The following PIK3C2A variants were observed in gnomAD, a reference collection of about 807,000 sequenced individuals.
PIK3C2A encodes the protein phosphatidylinositol 4-phosphate 3-kinase C2 domain-containing subunit alpha.
In PIK3C2A, 97 loss-of-function variants were observed where a neutral mutation model predicts 204.5. The observed-to-expected ratio is 0.47, with a 90% CI of 0.40 to 0.56. The LOEUF (loss-of-function observed/expected upper bound fraction) is 0.56, where lower values mean the gene tolerates loss of function less well. PIK3C2A is among the 20% of genes least tolerant of loss of function. The pLI is 0.00. For synonymous variants in PIK3C2A, 653 were observed against 664.4 expected (o/e 0.98, Z 0.26); for missense variants, 1,735 against 1,969.2 (o/e 0.88, Z 2.25).
At chr11:17,134,647 C>T (rs913518638) in intron 11 of PIK3C2A, among the ~76,000 whole-genome samples, 172 bp downstream of exon 11, 5 of 152,152 alleles carry the variant, frequency 3.3e-5, no homozygotes, top group African/African-American at 1.2e-4. Flanking sequence ...AGGCATGAGC[C>T]ACCGTGCCTG....
intron 6 of PIK3C2A, among the ~76,000 whole-genome samples, 185 bp from the exon 7 acceptor site, chr11:17,146,127 C>T (rs1050485253): frequency 2.0e-5 from 3 of 151,930 alleles, no homozygotes; most frequent in African/African-American, 7.3e-5. Flanking sequence ...AGTCAACATC[C>T]TGAAAAAAAA....
intron 8 of PIK3C2A, among the ~76,000 whole-genome samples, chr11:17,140,276 T>TA (rs1047821641): frequency 1.3e-5 from 2 of 151,534 alleles, no homozygotes; most frequent in Admixed American, 6.6e-5. Flanking sequence ...TAAACAACAA[T>TA]AAAAAAAACT....
intron 1 of PIK3C2A, among the ~76,000 whole-genome samples, chr11:17,181,637 T>C (rs1332493057): frequency 6.0e-3 from 18 of 3,012 alleles, no homozygotes; most frequent in Non-Finnish European, 0.022. Flanking sequence ...TATATATATA[T>C]ATATATATAT....
intron 22 of PIK3C2A, 143 bp from the exon 23 acceptor site, chr11:17,105,448 A>G (rs1375314729): frequency 3.1e-6 from 2 of 654,900 alleles, no homozygotes; most frequent in East Asian, 3.0e-5. Flanking sequence ...TTACATAGGT[A>G]TACATGTGCC....
intron 1 of PIK3C2A, among the ~76,000 whole-genome samples, chr11:17,171,573 A>G (rs1407950884): frequency 6.6e-6 from 1 of 152,216 alleles, no homozygotes; most frequent in Non-Finnish European, 1.5e-5. Context: ...GAATGTTCTT[A>G]GTGTATTATT....
Position 17,169,353 on chromosome 11 carries a change from T to G in PIK3C2A, c.389A>C (p.Gln130Pro). Residue 130 changes from glutamine to proline, a missense_variant, in exon 2 of 33, where the codon CAG (glutamine) becomes CCG (proline). Physicochemically the swap from Gln to Pro is moderately conservative, Grantham distance 76. Coordinates refer to ENST00000691414, the MANE Select transcript of PIK3C2A (RefSeq NM_002645.4). ...CTGAATAGTAGGTCTAAAATAGAGC[T>G]GTGCTGAAAAGGAAGGGCTCAGAAT... is the stretch of plus-strand genomic sequence containing the variant. Reference protein sequence around the residue: ...TPILSPSFSAQLYFRPTIQRG... With the variant: ...TPILSPSFSAPLYFRPTIQRG... 1 of 1,613,878 alleles carries G rather than the reference T, an allele frequency of 6.2e-7. No individual in the cohort carries two copies. Among genetic ancestry groups the G allele is most frequent in the East Asian group, 2.2e-5 (1 of 44,896 alleles).
At chr11:17,105,461 G>A (rs181697672) in intron 22 of PIK3C2A, among the ~76,000 whole-genome samples, 156 bp from the exon 23 acceptor site, 53 of 152,310 alleles carry the variant, frequency 3.5e-4, no homozygotes, top group African/African-American at 1.0e-3. Context: ...CATGTGCCAT[G>A]GTGGTTTGCT....
In PIK3C2A at chr11:17,101,429, C is replaced by A. The variant is rs922361996; in HGVS notation, c.3857G>T (p.Arg1286Leu). 1 of 1,493,272 alleles carries A rather than the reference C, an allele frequency of 6.7e-7. No homozygotes were observed. Among genetic ancestry groups the A allele is most frequent in the Non-Finnish European group, 9.1e-7 (1 of 1,101,574 alleles). The allele number at this position is 1,493,272 out of a possible 1,614,324, so 92.5% of individuals were successfully genotyped here. A position where few individuals can be genotyped will look rare whatever the true frequency, so the allele number is the denominator to read the frequency against. ...ATCAGAGGTCAGCACAAAAGGAGCCCGATCCCTATTTAAAATGAAAGTACA... is the reference window on the plus strand; with the variant it reads ...ATCAGAGGTCAGCACAAAAGGAGCCAGATCCCTATTTAAAATGAAAGTACA... ...AQMFGSFKRD[R>L]APFVLTSDMA... Residue 1286 changes from arginine to leucine, a missense_variant, in exon 25 of 33, where the codon CGG becomes CTG. By Grantham distance (102) the Arg-to-Leu change is moderately radical. Around this residue, in one of 6 missense-constraint regions of PIK3C2A, gnomAD observed 503 missense variants for 669.0 expected, o/e 0.75. Coordinates refer to ENST00000691414, the MANE Select transcript of PIK3C2A (RefSeq NM_002645.4).
intron 6 of PIK3C2A, among the ~76,000 whole-genome samples, chr11:17,146,450 C>A (rs576443335): frequency 6.6e-6 from 1 of 152,118 alleles, no homozygotes; most frequent in South Asian, 2.1e-4. Flanking sequence ...CGGTGGCTCA[C>A]GCCTGTAATC....
Position 17,117,686 on chromosome 11 carries a change from T to TA in PIK3C2A, c.3036-16dup. The TA allele has an allele frequency of 7.3e-7, 1 of 1,368,228 alleles. No homozygotes were observed. The highest frequency in any genetic ancestry group is 1.0e-6 in the Non-Finnish European group (1 of 993,736). 84.8% of individuals were successfully genotyped at this position (1,368,228 alleles called of 1,614,324 possible). ...CTTTGAGAAGCCTAATACAGCAAAA[T>TA]ATTTATGTTAGTCACGTCTTGGTTT... On this transcript the variant is annotated splice_polypyrimidine_tract_variant and intron_variant, in intron 18 of 32. Transcript: ENST00000691414.
chr11:17,104,054 G>A (rs1207637412), intron 23 of PIK3C2A, among the ~76,000 whole-genome samples: 1 of 152,114 alleles, frequency 6.6e-6, no homozygotes, highest in Non-Finnish European at 1.5e-5. Context: ...CAGATGGCAC[G>A]TGTATGTCTA....
chr11:17,189,649 A>T lies in PIK3C2A; in HGVS notation c.-66+18199T>A, dbSNP rs932907203. ...TACTACCAAGTTTCAGAATACTTTCATCGCCCCATAAAGAAACCCTGCACT... is the reference window on the plus strand; with the variant it reads ...TACTACCAAGTTTCAGAATACTTTCTTCGCCCCATAAAGAAACCCTGCACT... On this transcript the variant is annotated intron_variant, in intron 1 of 32. Coordinates refer to ENST00000691414, the MANE Select transcript of PIK3C2A (RefSeq NM_002645.4). Among the ~76,000 whole-genome samples, 2 of 150,684 alleles carry T rather than the reference A, an allele frequency of 1.3e-5. 1 individual carries two copies. The highest frequency in any genetic ancestry group is 5.0e-5 in the African/African-American group (2 of 40,158).
intron 15 of PIK3C2A, among the ~76,000 whole-genome samples, chr11:17,121,468 C>T (rs144356963): frequency 6.6e-6 from 1 of 152,276 alleles, no homozygotes; most frequent in East Asian, 1.9e-4. Flanking sequence ...ATATTCTTGA[C>T]TCCATAAGCA....
In PIK3C2A at chr11:17,136,361, A is replaced by AT. The variant is rs1849871841; in HGVS notation, c.1848+120dup. ...GAATCCCCACCTAACCAAGTAAGTG[A>AT]TTCAACCCAAAAGTAAAAGCCAAAG... On this transcript the variant is annotated intron_variant, in intron 9 of 32. Coordinates refer to ENST00000691414, the MANE Select transcript of PIK3C2A (RefSeq NM_002645.4). The AT allele has an allele frequency of 8.0e-6, 6 of 752,180 alleles. No individual in the cohort carries two copies. In the South Asian group the frequency reaches 9.6e-5, roughly 12 times the overall value. The allele number at this position is 752,180 out of a possible 1,614,324, so 46.6% of individuals were successfully genotyped here.
In PIK3C2A at chr11:17,167,874, G is replaced by A. The variant is rs547735333; in HGVS notation, c.1065+803C>T. Among the ~76,000 whole-genome samples, 260 of 152,152 alleles carry A rather than the reference G, an allele frequency of 1.7e-3. 1 individual carries two copies. Among genetic ancestry groups the A allele is most frequent in the South Asian group, 4.4e-3 (21 of 4,816 alleles). The stretch of plus-strand genomic sequence containing the variant: ...TAATATTTCATTCTTCACTTTTATC[G>A]ACAAAAGTGTTTAAAGGGAGAGTCC... On this transcript the variant is annotated intron_variant, in intron 2 of 32. Transcript: ENST00000691414.
intron 19 of PIK3C2A, among the ~76,000 whole-genome samples, chr11:17,116,598 T>C (rs567489511): frequency 7.9e-5 from 12 of 152,208 alleles, no homozygotes; most frequent in African/African-American, 2.4e-4. Flanking sequence ...AGTATTCTTT[T>C]TTTTTTTTTG....
At chr11:17,106,670 A>G (rs1848831733) in intron 22 of PIK3C2A, among the ~76,000 whole-genome samples, 1 of 152,114 alleles carries the variant, frequency 6.6e-6, no homozygotes, top group African/African-American at 2.4e-5. Context: ...TTGAACTCCC[A>G]TCCTTCAGTG....
At chr11:17,144,776 A>C (rs192342988) in intron 8 of PIK3C2A, among the ~76,000 whole-genome samples, 11 of 151,566 alleles carry the variant, frequency 7.3e-5, no homozygotes, top group Non-Finnish European at 1.6e-4. Flanking sequence ...CATGCCTCTA[A>C]TCCCAGCTAC....
intron 4 of PIK3C2A, among the ~76,000 whole-genome samples, chr11:17,149,146 C>A (rs966990112): frequency 1.3e-5 from 2 of 151,938 alleles, no homozygotes; most frequent in Non-Finnish European, 2.9e-5. Context: ...CAATACAGTA[C>A]AGCATATATT....
Sources: allele counts gnomAD v4.1 joint callset (sites outside exome capture counted in the v4.1 genomes callset), GRCh38; gene constraint gnomAD v4.1.1; regional missense constraint gnomAD v4.1.1; transcripts MANE v1.5; gene names NCBI Gene and HGNC (gene_info 2026-07-23, HGNC 2026-07-21).